PLEKHM3: variants seen among roughly 807,000 people sequenced by gnomAD.
PLEKHM3 encodes pleckstrin homology domain containing M3.
In PLEKHM3, 45 loss-of-function variants were observed where a neutral mutation model predicts 81.8. That is an observed-to-expected ratio of 0.55 (90% CI 0.43 to 0.71). PLEKHM3 has a LOEUF of 0.71. Among genes scored for constraint, PLEKHM3 ranks in the 30% least tolerant of loss-of-function variants. The pLI is 0.00. For synonymous variants in PLEKHM3, 352 were observed against 356.4 expected (o/e 0.99, Z 0.14); for missense variants, 788 against 924.3 (o/e 0.85, Z 1.91).
rs149513995 is a variant in PLEKHM3 at position 207,842,652 on chromosome 2, A to G, written c.2109-14156T>C. Among the ~76,000 whole-genome samples the G allele has an allele frequency of 5.6e-4, 85 of 152,304 alleles. 1 individual carries two copies. The highest frequency in any genetic ancestry group is 1.6e-3 in the African/African-American group (68 of 41,574). ...TTAGCAGTCCCTTTCATTCAGTGAG[A>G]ACATTCGTTGGAACTTCTGTTTCCA... On this transcript the variant is annotated intron_variant, in intron 7 of 7. Transcript: ENST00000427836.
chr2:207,993,936 C>T lies in PLEKHM3; in HGVS notation c.610+7094G>A, dbSNP rs1049300667. On this transcript the variant is annotated intron_variant, in intron 2 of 7. Transcript: ENST00000427836. ...TGTTAAATAATTTCAACCATACCTA[C>T]GTTTTCATTACAATTTTTTATTATC... Among the ~76,000 whole-genome samples, 7 of 152,292 alleles carry T rather than the reference C, an allele frequency of 4.6e-5. 1 individual carries two copies. The highest frequency in any genetic ancestry group is 7.2e-5 in the African/African-American group (3 of 41,560).
At chr2:207,858,178 A>ATTT (rs367774955) in intron 7 of PLEKHM3, among the ~76,000 whole-genome samples, 11 of 44,344 alleles carry the variant, frequency 2.5e-4, no homozygotes, top group Admixed American at 3.8e-4. Flanking sequence ...GTGTGTGTAT[A>ATTT]TATTTTTTTT....
chr2:207,877,834 A>G (rs2092566842), intron 6 of PLEKHM3, among the ~76,000 whole-genome samples: 1 of 152,146 alleles, frequency 6.6e-6, no homozygotes, highest in South Asian at 2.1e-4. Flanking sequence ...ATCTTATTAA[A>G]ATATAGATCT....
intron 2 of PLEKHM3, 120 bp downstream of exon 2, chr2:208,000,910 C>G: frequency 1.0e-6 from 1 of 981,758 alleles, no homozygotes; most frequent in Non-Finnish European, 1.4e-6. Context: ...TTAAGAGAGA[C>G]AAAGGAAAAA....
At chr2:207,901,883 T>C (rs1041818561) in intron 6 of PLEKHM3, among the ~76,000 whole-genome samples, 2 of 152,230 alleles carry the variant, frequency 1.3e-5, no homozygotes, top group African/African-American at 4.8e-5. Flanking sequence ...CCCCAGATTA[T>C]GTTCAGTGGT....
intron 5 of PLEKHM3, among the ~76,000 whole-genome samples, chr2:207,914,245 C>T (rs1055714515): frequency 4.6e-5 from 7 of 151,972 alleles, no homozygotes; most frequent in Non-Finnish European, 1.0e-4. Context: ...CCTGTAATCC[C>T]AGCACTTCGG....
chr2:207,835,862 T>G (rs2092315789), intron 7 of PLEKHM3, among the ~76,000 whole-genome samples: 1 of 152,172 alleles, frequency 6.6e-6, no homozygotes, highest in Non-Finnish European at 1.5e-5. Flanking sequence ...TGTTAAATGT[T>G]GTCAAGTTTT....
At chr2:207,858,485 A>AT (rs59555910) in intron 7 of PLEKHM3, among the ~76,000 whole-genome samples, 2,805 of 141,174 alleles carry the variant, frequency 0.02, 75 homozygotes, top group African/African-American at 0.055. Flanking sequence ...ACTAAACATG[A>AT]TTTTTTTTTT....
chr2:207,930,063 C>T (rs1024326487), intron 5 of PLEKHM3: 8 of 510,946 alleles, frequency 1.6e-5, no homozygotes, highest in African/African-American at 1.6e-4. Flanking sequence ...TAAAATCTGT[C>T]TGTAAAAAAG....
intron 1 of PLEKHM3, among the ~76,000 whole-genome samples, chr2:208,011,559 T>C (rs1692693193): frequency 6.6e-6 from 1 of 151,616 alleles, no homozygotes. Flanking sequence ...AGCTAAGCTA[T>C]GAGGATTCAA....
intron 1 of PLEKHM3, among the ~76,000 whole-genome samples, chr2:208,014,628 A>G (rs1692817789): frequency 6.6e-6 from 1 of 152,262 alleles, no homozygotes; most frequent in Non-Finnish European, 1.5e-5. Flanking sequence ...TGGGCCACAG[A>G]GTCAGACTCC....
intron 6 of PLEKHM3, among the ~76,000 whole-genome samples, chr2:207,891,092 A>T (rs1436162731): frequency 6.6e-6 from 1 of 152,218 alleles, no homozygotes; most frequent in Admixed American, 6.5e-5. Context: ...TGTGAAATAA[A>T]TGTCAAATTG....
chr2:207,911,913 T>C (rs963310083), intron 5 of PLEKHM3, among the ~76,000 whole-genome samples: 4 of 152,164 alleles, frequency 2.6e-5, no homozygotes, highest in African/African-American at 4.8e-5. Context: ...AAAAGTCCTT[T>C]CTGCTTTAAA....
chr2:207,942,281 G>T (rs988731815), intron 4 of PLEKHM3, among the ~76,000 whole-genome samples: 1 of 152,184 alleles, frequency 6.6e-6, no homozygotes, highest in Non-Finnish European at 1.5e-5. Context: ...GCCGAGGTGG[G>T]AAGATTGCTT....
chr2:207,896,992 A>T (rs1317958472), intron 6 of PLEKHM3, among the ~76,000 whole-genome samples: 1 of 152,238 alleles, frequency 6.6e-6, no homozygotes, highest in Non-Finnish European at 1.5e-5. Context: ...ACAAGTGGCA[A>T]GATTCAGAGG....
intron 1 of PLEKHM3, among the ~76,000 whole-genome samples, chr2:208,004,404 C>A (rs1476481759): frequency 7.5e-6 from 1 of 132,840 alleles, no homozygotes; most frequent in Non-Finnish European, 1.7e-5. Flanking sequence ...GGCAACAGAG[C>A]AATGCCCTGT....
intron 1 of PLEKHM3, among the ~76,000 whole-genome samples, chr2:208,010,764 C>T (rs1173893783): frequency 6.6e-6 from 1 of 152,178 alleles, no homozygotes; most frequent in African/African-American, 2.4e-5. Flanking sequence ...GTTTATATAA[C>T]TATTTAGAAT....
intron 6 of PLEKHM3, among the ~76,000 whole-genome samples, chr2:207,891,476 G>A (rs918511957): frequency 6.6e-6 from 1 of 152,076 alleles, no homozygotes; most frequent in Admixed American, 6.5e-5. Flanking sequence ...AAGGGGTGCC[G>A]GCAAGATACA....
intron 7 of PLEKHM3, among the ~76,000 whole-genome samples, chr2:207,850,072 C>G (rs948067282): frequency 6.6e-6 from 1 of 152,138 alleles, no homozygotes; most frequent in African/African-American, 2.4e-5. Context: ...GGAAAAGGAC[C>G]AAACACAGGA....
Sources: allele counts gnomAD v4.1 joint callset (sites outside exome capture counted in the v4.1 genomes callset), GRCh38; gene constraint gnomAD v4.1.1; transcripts MANE v1.5; gene names NCBI Gene and HGNC (gene_info 2026-07-23, HGNC 2026-07-21).